ITGA1: variants seen among roughly 807,000 people sequenced by gnomAD.
The protein encoded by ITGA1 is integrin subunit alpha 1, also known as integrin alpha-1.
A neutral mutation model predicts 145.9 loss-of-function variants in ITGA1; 85 were observed. That is an observed-to-expected ratio of 0.58 (90% confidence interval 0.49 to 0.70). The LOEUF is 0.70. Among genes scored for constraint, ITGA1 ranks in the 30% least tolerant of loss-of-function variants. The pLI is 0.00. For missense variants in ITGA1, 1,351 were observed against 1,418.7 expected, an observed-to-expected ratio of 0.95 and a Z score of 0.77; for synonymous variants, 520 against 495.3, an observed-to-expected ratio of 1.05 and a Z score of -0.66.
intron 27 of ITGA1, 92 bp downstream of exon 27, chr5:52,945,127 T>TG (rs746201092): frequency 3.4e-6 from 3 of 879,628 alleles, no homozygotes; most frequent in Non-Finnish European, 5.6e-6. Context: ...CCTTAAGCAG[T>TG]GACTGGTATT....
rs1453112323 is a variant in ITGA1, at chr5:52,795,619, C to G, written c.61+7205C>G. ...TAAATAAATGTACCCCAAAGATTATCCATCAGTCAACTCTACCAAACCAGT... is the reference window on the plus strand; with the variant it reads ...TAAATAAATGTACCCCAAAGATTATGCATCAGTCAACTCTACCAAACCAGT... On this transcript the variant is annotated intron_variant, in intron 1 of 28. Transcript: ENST00000282588. Among the ~76,000 whole-genome samples the G allele has an allele frequency of 2.0e-5, 3 of 151,988 alleles. No homozygotes were observed. The East Asian group carries it at 5.8e-4, about 29-fold the overall frequency.
intron 1 of ITGA1, among the ~76,000 whole-genome samples, chr5:52,818,247 G>C (rs1748808511): frequency 6.6e-6 from 1 of 152,012 alleles, no homozygotes. Context: ...AAAAAAAAAT[G>C]GTATGGTTCT....
chr5:52,800,114 T>G (rs1413576965), intron 1 of ITGA1: 2 of 399,732 alleles, frequency 5.0e-6, no homozygotes, highest in African/African-American at 2.1e-5. Context: ...AGCCCGCTGT[T>G]GCGTGCTGCC....
intron 1 of ITGA1, among the ~76,000 whole-genome samples, chr5:52,813,725 G>A (rs1481657515): frequency 6.6e-6 from 1 of 152,162 alleles, no homozygotes; most frequent in Non-Finnish European, 1.5e-5. Context: ...CTATGAACCA[G>A]GAGCAGGATA....
chr5:52,849,609 C>T (rs1749398216), intron 2 of ITGA1, 124 bp downstream of exon 2: 2 of 895,558 alleles, frequency 2.2e-6, no homozygotes, highest in Admixed American at 5.8e-5. Context: ...GTAGAAAATG[C>T]AGTCTAGTCA....
At chr5:52,827,600 G>C (rs967800782) in intron 1 of ITGA1, among the ~76,000 whole-genome samples, 2 of 152,118 alleles carry the variant, frequency 1.3e-5, no homozygotes, top group African/African-American at 4.8e-5. Context: ...GAAATATTTT[G>C]TAAAATGAAG....
At chr5:52,933,815 T>A (rs1305518967) in intron 22 of ITGA1, 79 bp from the exon 23 acceptor site, 1 of 603,912 alleles carries the variant, frequency 1.7e-6, no homozygotes, top group East Asian at 3.3e-5. Context: ...AATTACATGA[T>A]ATGGAGAAAG....
intron 9 of ITGA1, 63 bp from the exon 10 acceptor site, chr5:52,897,392 C>A: frequency 9.2e-7 from 1 of 1,081,764 alleles, no homozygotes; most frequent in Non-Finnish European, 1.4e-6. Flanking sequence ...CTGTATTCTG[C>A]AAGTCAGTAG....
intron 1 of ITGA1, among the ~76,000 whole-genome samples, chr5:52,821,596 A>G (rs1748880381): frequency 6.6e-6 from 1 of 152,184 alleles, no homozygotes; most frequent in South Asian, 2.1e-4. Flanking sequence ...GGACACAGTA[A>G]GCATATACTC....
At chr5:52,815,669 C>G (rs1325257445) in intron 1 of ITGA1, among the ~76,000 whole-genome samples, 1 of 152,184 alleles carries the variant, frequency 6.6e-6, no homozygotes, top group Non-Finnish European at 1.5e-5. Context: ...AAACACTGGT[C>G]TAAGGCTTTC....
rs573348507 is a variant in ITGA1, at chr5:52,845,804, A to G, written c.62-3561A>G. 6.6e-4 allele frequency among the ~76,000 whole-genome samples: 100 copies of G among 152,344 alleles called. No individual in the cohort carries two copies. In the South Asian group the frequency reaches 0.011, roughly 16 times the overall value. ...TTCCAAAGTTGAGAAACCCTGCTGC[A>G]GAAGTATTATTTTATGCATTTCTTG... On this transcript the variant is annotated intron_variant, in intron 1 of 28. Transcript: ENST00000282588.
chr5:52,880,466 A>T (rs906927029), intron 6 of ITGA1, among the ~76,000 whole-genome samples: 4 of 152,232 alleles, frequency 2.6e-5, no homozygotes, highest in Admixed American at 2.6e-4. Context: ...CTAAAAACAC[A>T]CCAGAATATG....
intron 2 of ITGA1, among the ~76,000 whole-genome samples, chr5:52,858,073 A>G (rs1749544406): frequency 6.6e-6 from 1 of 152,244 alleles, no homozygotes; most frequent in East Asian, 1.9e-4. Flanking sequence ...CCTGAATCCA[A>G]ATCCTCATCT....
chr5:52,911,539 TACATATA>T (rs1750532750), intron 14 of ITGA1, among the ~76,000 whole-genome samples: 3 of 119,660 alleles, frequency 2.5e-5, no homozygotes, highest in Non-Finnish European at 5.1e-5. Flanking sequence ...ATATATTAGA[TACATATA>T]CTATATATAG....
chr5:52,878,128 G>C (rs1021854374), intron 6 of ITGA1, among the ~76,000 whole-genome samples: 1 of 152,150 alleles, frequency 6.6e-6, no homozygotes, highest in Non-Finnish European at 1.5e-5. Flanking sequence ...GTGGATCAGG[G>C]TGATGGGGAG....
chr5:52,947,572 C>A, intron 28 of ITGA1, 111 bp downstream of exon 28: 3 of 661,450 alleles, frequency 4.5e-6, no homozygotes, highest in Non-Finnish European at 5.3e-6. Flanking sequence ...AGCAATGAAA[C>A]AAACGTTGAA....
At chr5:52,925,711 T>C (rs1238238645) in intron 19 of ITGA1, among the ~76,000 whole-genome samples, 1 of 152,218 alleles carries the variant, frequency 6.6e-6, no homozygotes, top group East Asian at 1.9e-4. Context: ...GAGAAAAGGA[T>C]AGCTCATGTA....
At position 52,939,611 on chromosome 5, in the gene ITGA1, A is replaced by G. The variant is rs756236797; in HGVS notation, c.3100A>G (p.Ile1034Val). The G allele has an allele frequency of 7.4e-6, 12 of 1,612,232 alleles. No homozygotes were observed. Among genetic ancestry groups the G allele is most frequent in the Middle Eastern group, 1.7e-4 (1 of 6,050 alleles). Residue 1034 changes from isoleucine to valine, a missense_variant, in exon 25 of 29, where the codon ATC becomes GTC. Physicochemically the swap from Ile to Val is conservative, Grantham distance 29 (BLOSUM62 3). Transcript: ENST00000282588. ...CTAGAATGCAAACTGCAGACCCCAT[A>G]TCTTTGAGGATCCTTTCAGTATCAA... ...SSENANCRPH[I>V]FEDPFSINSG...
intron 2 of ITGA1, among the ~76,000 whole-genome samples, chr5:52,856,547 G>C (rs1749514220): frequency 6.6e-6 from 1 of 152,104 alleles, no homozygotes. Context: ...GACCAGAGGA[G>C]CTGCCTGACA....
Sources: allele counts gnomAD v4.1 joint callset (sites outside exome capture counted in the v4.1 genomes callset), GRCh38; gene constraint gnomAD v4.1.1; transcripts MANE v1.5; gene names NCBI Gene and HGNC (gene_info 2026-07-23, HGNC 2026-07-21).